CAPN3: variants seen among roughly 807,000 people sequenced by gnomAD.
CAPN3 encodes calpain-3.
CAPN3 carries 88 observed loss-of-function variants against 114.0 expected under a neutral mutation model. The observed-to-expected ratio is 0.77, with a 90% CI of 0.65 to 0.92. The LOEUF is 0.92. Among genes scored for constraint, CAPN3 ranks in the 40% least tolerant of loss-of-function variants. The pLI, the probability that CAPN3 is intolerant of heterozygous loss-of-function variation, is 0.00. For missense variants in CAPN3, 1,028 were observed against 1,069.0 expected (o/e 0.96, Z 0.53); for synonymous variants, 386 against 382.9 (o/e 1.01, Z -0.09).
At chr15:42,389,143 G>T (rs1320250660) in intron 5 of CAPN3, 47 bp downstream of exon 5, 1 of 1,590,284 alleles carries the variant, frequency 6.3e-7, no homozygotes, top group Non-Finnish European at 8.6e-7. Context: ...CAAGTGTCAG[G>T]AAGCCTTTTA....
intron 15 of CAPN3, 127 bp from the exon 16 acceptor site, chr15:42,408,083 TG>T (rs1425637726): frequency 4.4e-6 from 3 of 680,594 alleles, no homozygotes; most frequent in Non-Finnish European, 8.1e-6. Flanking sequence ...GAACCGAGGT[TG>T]AAGAGCTCCC....
At chr15:42,385,393 A>G (rs2053366665) in intron 2 of CAPN3, among the ~76,000 whole-genome samples, 1 of 152,088 alleles carries the variant, frequency 6.6e-6, no homozygotes, top group Non-Finnish European at 1.5e-5. Context: ...GCTGCTTCCA[A>G]GGAGGGTAGG....
At chr15:42,404,989 G>A in intron 14 of CAPN3, 1 of 991,306 alleles carries the variant, frequency 1.0e-6, no homozygotes, top group Non-Finnish European at 1.2e-6. Context: ...GGGTTTTGAT[G>A]TCCCTGCACT....
chr15:42,394,118 A>T, intron 7 of CAPN3, 138 bp from the exon 8 acceptor site: 1 of 800,298 alleles, frequency 1.2e-6, no homozygotes, highest in Non-Finnish European at 2.1e-6. Flanking sequence ...ACTTGTGATT[A>T]ATCTCCTTGG....
chr15:42,408,321 A>G lies in CAPN3; in HGVS notation c.1911A>G (p.Pro637=). 6.2e-7 allele frequency: 1 copy of G among 1,607,716 alleles called. No homozygotes were observed. Among genetic ancestry groups the G allele is most frequent in the Non-Finnish European group, 8.5e-7 (1 of 1,174,362 alleles). ...GCCCTGATAAGCAAAAGCAGTCCCC[A>G]CAGGTGTCTGGGCATGTGGCATGGG... is the stretch of plus-strand genomic sequence containing the variant. ...KTSPDKQKQS[P]QPQPGSSDQE... Residue 637 remains proline (P), a synonymous_variant, in exon 16 of 24, where the codon CCA becomes CCG. Coordinates refer to ENST00000397163, the MANE Select transcript of CAPN3 (RefSeq NM_000070.3).
intron 1 of CAPN3, among the ~76,000 whole-genome samples, chr15:42,375,181 T>C (rs968425538): frequency 6.6e-6 from 1 of 151,406 alleles, no homozygotes; most frequent in Non-Finnish European, 1.5e-5. Flanking sequence ...AGCAGGTGTT[T>C]TGGGGTGGGA....
intron 1 of CAPN3, among the ~76,000 whole-genome samples, chr15:42,370,376 C>G (rs1401543009): frequency 6.6e-6 from 1 of 152,154 alleles, no homozygotes; most frequent in Non-Finnish European, 1.5e-5. Context: ...TACTCCATGC[C>G]AGCATGAGAA....
intron 9 of CAPN3, among the ~76,000 whole-genome samples, chr15:42,398,394 G>T (rs915920672): frequency 5.9e-5 from 9 of 151,940 alleles, no homozygotes; most frequent in Non-Finnish European, 1.0e-4. Context: ...AGACTAGCCT[G>T]GTCAACATGG....
At chr15:42,376,116 A>G (rs1183478412) in intron 1 of CAPN3, among the ~76,000 whole-genome samples, 2 of 152,212 alleles carry the variant, frequency 1.3e-5, no homozygotes, top group African/African-American at 2.4e-5. Flanking sequence ...TTGTCACATT[A>G]TATATCAAGG....
intron 1 of CAPN3, among the ~76,000 whole-genome samples, chr15:42,378,085 C>T (rs1477246017): frequency 3.3e-5 from 5 of 152,200 alleles, no homozygotes; most frequent in South Asian, 4.1e-4. Context: ...AGTGAAAGAG[C>T]AGCTAGGGGT....
At chr15:42,360,155 G>T in intron 1 of CAPN3, 41 bp downstream of exon 1, 1 of 1,612,730 alleles carries the variant, frequency 6.2e-7, no homozygotes, top group South Asian at 1.1e-5. Context: ...TTCCCCCCAC[G>T]GAGGAGTCCT....
chr15:42,403,062 G>T, intron 13 of CAPN3, 60 bp downstream of exon 13: 1 of 1,445,658 alleles, frequency 6.9e-7, no homozygotes. Context: ...CACTCCAGAG[G>T]TTGAAGGCAT....
At chr15:42,394,381 A>G (rs931103184) in intron 8 of CAPN3, 40 bp downstream of exon 8, 2 of 1,485,740 alleles carry the variant, frequency 1.3e-6, no homozygotes, top group African/African-American at 2.8e-5. Flanking sequence ...GTGGCGGGGA[A>G]CAGGGTCCGG....
At chr15:42,410,703 G>C (rs374685438) in intron 21 of CAPN3, 37 bp downstream of exon 21, 1 of 1,553,458 alleles carries the variant, frequency 6.4e-7, no homozygotes, top group Non-Finnish European at 8.9e-7. Context: ...ATGTGGACCC[G>C]AGACGGTGGG....
chr15:42,364,597 G>A (rs2052731656), intron 1 of CAPN3, among the ~76,000 whole-genome samples: 1 of 152,202 alleles, frequency 6.6e-6, no homozygotes, highest in Admixed American at 6.5e-5. Context: ...ATGGGCAGGG[G>A]ACTGCTTGTC....
At chr15:42,392,166 A>G (rs1389941616) in intron 6 of CAPN3, among the ~76,000 whole-genome samples, 3 of 152,188 alleles carry the variant, frequency 2.0e-5, no homozygotes, top group Admixed American at 6.5e-5. Context: ...CTCTGTCTCA[A>G]AAAACAAAAA....
At chr15:42,402,267 G>T in intron 12 of CAPN3, 132 bp downstream of exon 12, 1 of 1,598,520 alleles carries the variant, frequency 6.3e-7, no homozygotes. Flanking sequence ...CCTTGCCTGT[G>T]TTATTTCCAC....
At chr15:42,404,535 C>T (rs1018789852) in intron 14 of CAPN3, among the ~76,000 whole-genome samples, 6 of 152,226 alleles carry the variant, frequency 3.9e-5, no homozygotes, top group African/African-American at 1.4e-4. Context: ...CATTCAGACT[C>T]TCTGACTCCA....
chr15:42,382,693 T>C (rs1328577795), intron 1 of CAPN3, among the ~76,000 whole-genome samples: 1 of 152,184 alleles, frequency 6.6e-6, no homozygotes, highest in Non-Finnish European at 1.5e-5. Flanking sequence ...TTATGGTTCA[T>C]ATTTCTTAGT....
Sources: gnomAD v4.1 joint callset for allele counts (sites outside exome capture counted in the v4.1 genomes callset) on GRCh38, gnomAD v4.1.1 for gene constraint, MANE v1.5 for transcripts, NCBI Gene and HGNC (gene_info 2026-07-23, HGNC 2026-07-21) for gene names.